Variants in NR4A3 observed in about 807,000 individuals in gnomAD.
NR4A3 encodes the protein chondrosarcoma, extraskeletal myxoid, fused to EWS.
In NR4A3, 13 loss-of-function variants were observed where a neutral mutation model predicts 55.6. The observed-to-expected ratio is 0.23, with a 90% CI of 0.15 to 0.37. The LOEUF (loss-of-function observed/expected upper bound fraction) is 0.37, where lower values mean the gene tolerates loss of function less well. Among genes scored for constraint, NR4A3 ranks in the 10% least tolerant of loss-of-function variants. NR4A3 has a pLI of 1.00. For synonymous variants in NR4A3, 342 were observed against 357.9 expected (o/e 0.96, Z 0.50); for missense variants, 646 against 822.8 (o/e 0.79, Z 2.63).
chr9:99,836,068 T>C (rs1587877481), intron 5 of NR4A3, among the ~76,000 whole-genome samples: 1 of 152,310 alleles, frequency 6.6e-6, no homozygotes, highest in East Asian at 1.9e-4. Context: ...AAAGACTTTT[T>C]AAAAATACAG....
intron 5 of NR4A3, among the ~76,000 whole-genome samples, chr9:99,843,690 TG>T (rs1827696742): frequency 6.8e-6 from 1 of 146,058 alleles, no homozygotes; most frequent in Non-Finnish European, 1.5e-5. Context: ...AATTTTTTTT[TG>T]ATGTTTGCTG....
At position 99,843,228 on chromosome 9, in the gene NR4A3, G is replaced by A. The variant is rs146118113; in HGVS notation, c.1255-1421G>A. On this transcript the variant is annotated intron_variant, in intron 5 of 7. Coordinates refer to ENST00000395097, the MANE Select transcript of NR4A3 (RefSeq NM_006981.4). ...GTCCAATAGACCTCCCCTCAGTGAT[G>A]GAAATGTTCTATCCCACATTTGGCC... Among the ~76,000 whole-genome samples, 651 of 152,326 alleles carry A rather than the reference G, an allele frequency of 4.3e-3. 1 individual carries two copies. The highest frequency in any genetic ancestry group is 0.01 in the Middle Eastern group (3 of 294).
At chr9:99,862,708 C>T (rs968534106) in intron 7 of NR4A3, among the ~76,000 whole-genome samples, 14 of 152,028 alleles carry the variant, frequency 9.2e-5, no homozygotes, top group African/African-American at 3.1e-4. Flanking sequence ...AAACTGGGTT[C>T]TAATCCTAGC....
chr9:99,855,275 T>A (rs761793056), intron 7 of NR4A3, among the ~76,000 whole-genome samples: 2 of 152,206 alleles, frequency 1.3e-5, no homozygotes, highest in Non-Finnish European at 2.9e-5. Context: ...GTCTTATTTA[T>A]CTTTAAAATT....
intron 5 of NR4A3, among the ~76,000 whole-genome samples, chr9:99,842,930 G>C (rs1191082320): frequency 6.6e-6 from 1 of 152,240 alleles, no homozygotes; most frequent in Non-Finnish European, 1.5e-5. Context: ...ATGAGGATCA[G>C]TTCAGAAAAG....
At chr9:99,863,506 T>G (rs2118186303) in intron 7 of NR4A3, 114 bp from the exon 8 acceptor site, 1 of 1,313,820 alleles carries the variant, frequency 7.6e-7, no homozygotes. Flanking sequence ...GCACTTTGAT[T>G]GCAAAGAAGC....
Position 99,864,151 on chromosome 9 carries a change from G to A in NR4A3, c.*284G>A, listed in dbSNP as rs544064985. 1.7e-5 allele frequency: 6 copies of A among 358,780 alleles called. No individual in the cohort carries two copies. The East Asian group carries it at 2.2e-4, about 13-fold the overall frequency. The allele number at this position is 358,780 out of a possible 1,614,324, so 22.2% of individuals were successfully genotyped here. On this transcript the variant is annotated 3_prime_UTR_variant, in exon 8 of 8. Transcript: ENST00000395097. ...GGTTTTCTAAGAAATTGCTAACAAA[G>A]CACTTTTGGACAATGCTATCCCAGC...
chr9:99,822,641 G>A lies in NR4A3; in HGVS notation c.-177+234G>A, dbSNP rs1018803884. ...TGGGATTCCTCCCCCCACTCGAAGA[G>A]GCGAAAAGCCTCTAACAAAGAGGAG... On this transcript the variant is annotated intron_variant, in intron 1 of 7. Coordinates refer to ENST00000395097, the MANE Select transcript of NR4A3 (RefSeq NM_006981.4). The surrounding 1 kb of genome is among the most constrained non-coding windows in gnomAD (Gnocchi z 4.9). 6.6e-6 allele frequency among the ~76,000 whole-genome samples: 1 copy of A among 152,180 alleles called. No individual in the cohort carries two copies. Among genetic ancestry groups the A allele is most frequent in the African/African-American group, 2.4e-5 (1 of 41,456 alleles).
intron 5 of NR4A3, chr9:99,834,783 C>A: frequency 1.0e-6 from 1 of 985,390 alleles, no homozygotes; most frequent in Non-Finnish European, 1.2e-6. Flanking sequence ...GAAGCCTCCT[C>A]TCTGCACCTG....
chr9:99,840,208 C>T (rs939540342), intron 5 of NR4A3, among the ~76,000 whole-genome samples: 1 of 152,174 alleles, frequency 6.6e-6, no homozygotes, highest in African/African-American at 2.4e-5. Flanking sequence ...CAGGCTGGGC[C>T]GGCTGGCTTT....
intron 7 of NR4A3, among the ~76,000 whole-genome samples, chr9:99,850,080 T>C (rs562978499): frequency 3.2e-4 from 48 of 152,264 alleles, no homozygotes; most frequent in African/African-American, 1.1e-3. Flanking sequence ...AGCTGAAAAT[T>C]GGAGTGACAG....
At chr9:99,829,037 C>A in intron 3 of NR4A3, 44 bp downstream of exon 3, 2 of 1,302,390 alleles carry the variant, frequency 1.5e-6, no homozygotes. Context: ...AGCCCCCTCA[C>A]TGAAGGGAGC....
chr9:99,855,169 T>C (rs888354438), intron 7 of NR4A3, among the ~76,000 whole-genome samples: 1 of 152,058 alleles, frequency 6.6e-6, no homozygotes, highest in Non-Finnish European at 1.5e-5. Flanking sequence ...GTGATTTTTG[T>C]ACATTGATTT....
chr9:99,855,025 C>G (rs970863306), intron 7 of NR4A3, among the ~76,000 whole-genome samples: 4 of 149,352 alleles, frequency 2.7e-5, no homozygotes, highest in Non-Finnish European at 5.9e-5. Flanking sequence ...GTTTGTAGTT[C>G]TCCTTGAAGA....
chr9:99,828,702 G>A lies in NR4A3; in HGVS notation c.660G>A (p.Ala220=), dbSNP rs1314199745. ...HLGYDPTAAA[A]LSLPLGAAAA... ...GCTACGACCCGACGGCCGCTGCCGCGCTCAGCCTGCCGCTGGGAGCCGCAG... is the reference window on the plus strand; with the variant it reads ...GCTACGACCCGACGGCCGCTGCCGCACTCAGCCTGCCGCTGGGAGCCGCAG... The change falls in exon 3 of 8, where the codon GCG becomes GCA. Residue 220 remains alanine (A), a synonymous_variant. Transcript: ENST00000395097. The surrounding 1 kb of genome is among the most constrained non-coding windows in gnomAD (Gnocchi z 7.7). 84 of 1,319,478 alleles carry A rather than the reference G, an allele frequency of 6.4e-5. No individual in the cohort carries two copies. In the Admixed American group the frequency reaches 9.1e-4, roughly 14 times the overall value. The allele number at this position is 1,319,478 out of a possible 1,614,324, so 81.7% of individuals were successfully genotyped here. A position where few individuals can be genotyped will look rare whatever the true frequency, so the allele number is the denominator to read the frequency against.
intron 6 of NR4A3, among the ~76,000 whole-genome samples, chr9:99,846,021 T>G (rs1324313635): frequency 6.6e-6 from 1 of 152,204 alleles, no homozygotes; most frequent in Non-Finnish European, 1.5e-5. Context: ...GCCATATATG[T>G]CCTATTCACC....
intron 5 of NR4A3, among the ~76,000 whole-genome samples, chr9:99,836,497 A>G (rs1827561975): frequency 6.6e-6 from 1 of 152,216 alleles, no homozygotes; most frequent in African/African-American, 2.4e-5. Context: ...AATTGAGTCC[A>G]GTTCTAAGCT....
chr9:99,858,013 C>T (rs1400357989), intron 7 of NR4A3, among the ~76,000 whole-genome samples: 2 of 152,090 alleles, frequency 1.3e-5, no homozygotes, highest in Non-Finnish European at 2.9e-5. Flanking sequence ...TATTGGGTGT[C>T]TCCTATGTAC....
chr9:99,840,282 T>A (rs527567223), intron 5 of NR4A3, among the ~76,000 whole-genome samples: 1 of 152,352 alleles, frequency 6.6e-6, no homozygotes, highest in Admixed American at 6.5e-5. Flanking sequence ...TTCACTTCCC[T>A]GTGTGCAGAA....
Sources: gnomAD v4.1 joint callset for allele counts (sites outside exome capture counted in the v4.1 genomes callset) on GRCh38, gnomAD v4.1.1 for gene constraint, Gnocchi (gnomAD v3.1) non-coding constraint, MANE v1.5 for transcripts, NCBI Gene and HGNC (gene_info 2026-07-23, HGNC 2026-07-21) for gene names.